Variants in INPP5K observed in about 807,000 individuals in gnomAD.
INPP5K encodes inositol polyphosphate-5-phosphatase K, also known as inositol polyphosphate 5-phosphatase K.
In INPP5K, 35 loss-of-function variants were observed where a neutral mutation model predicts 53.5. The ratio of observed to expected loss-of-function variants is 0.65; its 90% CI spans 0.50 to 0.87. INPP5K has a LOEUF of 0.87. INPP5K is among the 40% of genes least tolerant of loss of function. INPP5K has a pLI of 0.00. For synonymous variants in INPP5K, 253 were observed against 232.8 expected (o/e 1.09, Z -0.79); for missense variants, 550 against 586.2 (o/e 0.94, Z 0.64).
intron 3 of INPP5K, among the ~76,000 whole-genome samples, chr17:1,511,551 C>T (rs1476966150): frequency 6.6e-6 from 1 of 152,146 alleles, no homozygotes; most frequent in Non-Finnish European, 1.5e-5. Flanking sequence ...GGAGTCGAAG[C>T]AGGGGGAACC....
At chr17:1,499,747 G>A (rs897315481) in intron 7 of INPP5K, among the ~76,000 whole-genome samples, 8 of 152,146 alleles carry the variant, frequency 5.3e-5, no homozygotes, top group Admixed American at 4.6e-4. Flanking sequence ...GAGGTGGGGT[G>A]TGTGTGTGGC....
At position 1,516,486 on chromosome 17, in the gene INPP5K, T is replaced by A. The variant is rs1286425507; in HGVS notation, c.14A>T (p.Lys5Met). Residue 5 changes from lysine to methionine, a missense_variant, in exon 1 of 12, where the codon AAG (lysine) becomes ATG (methionine). By Grantham distance (95) the Lys-to-Met change is moderately conservative. Transcript: ENST00000421807. The stretch of plus-strand genomic sequence containing the variant: ...CCTCCTGCCTTTCGGCCCGCTCAGC[T>A]TCCGCGAGCTCATGGCCGCCGTCGT... MSSRKLSGPKGRRLS... is the reference protein window; with the variant it reads MSSRMLSGPKGRRLS... 5 of 1,587,154 alleles carry A rather than the reference T, an allele frequency of 3.2e-6. No homozygotes were observed. Among genetic ancestry groups the A allele is most frequent in the Non-Finnish European group, 3.4e-6 (4 of 1,175,366 alleles).
At chr17:1,515,929 A>G in intron 1 of INPP5K, 3 of 987,352 alleles carry the variant, frequency 3.0e-6, no homozygotes, top group Non-Finnish European at 3.6e-6. Flanking sequence ...TCTTGTTCCC[A>G]CTCTCAAATC....
intron 8 of INPP5K, among the ~76,000 whole-genome samples, chr17:1,497,243 T>G (rs532253319): frequency 6.6e-5 from 10 of 152,294 alleles, no homozygotes; most frequent in Non-Finnish European, 8.8e-5. Context: ...CCCAACAGTT[T>G]GGGAGGATCA....
intron 1 of INPP5K, among the ~76,000 whole-genome samples, chr17:1,514,678 T>A (rs776698612): frequency 6.6e-6 from 1 of 152,142 alleles, no homozygotes; most frequent in African/African-American, 2.4e-5. Flanking sequence ...CCCTCTGTCA[T>A]CATCTATGGC....
At chr17:1,512,233 C>CT (rs2075326084) in intron 3 of INPP5K, among the ~76,000 whole-genome samples, 1 of 152,148 alleles carries the variant, frequency 6.6e-6, no homozygotes, top group Admixed American at 6.5e-5. Context: ...CAATTCCATC[C>CT]TACCAATCCT....
intron 7 of INPP5K, among the ~76,000 whole-genome samples, chr17:1,504,819 C>T (rs187449322): frequency 2.6e-5 from 4 of 152,326 alleles, no homozygotes; most frequent in Non-Finnish European, 4.4e-5. Flanking sequence ...CCTTCCTCAC[C>T]GTGCCATCCT....
chr17:1,516,507 G>A lies in INPP5K; in HGVS notation c.-8C>T. The A allele has an allele frequency of 1.9e-6, 3 of 1,576,334 alleles. No individual in the cohort carries two copies. Among genetic ancestry groups the A allele is most frequent in the Non-Finnish European group, 1.7e-6 (2 of 1,170,852 alleles). On this transcript the variant is annotated 5_prime_UTR_variant, in exon 1 of 12. It adds an upstream start codon to the 5' untranslated region. Coordinates refer to ENST00000421807, the MANE Select transcript of INPP5K (RefSeq NM_016532.4). ...CAGCTTCCGCGAGCTCATGGCCGCCGTCGTCCCCGCGCGGTGGTCCGGCAG... is the reference window on the plus strand; with the variant it reads ...CAGCTTCCGCGAGCTCATGGCCGCCATCGTCCCCGCGCGGTGGTCCGGCAG...
At chr17:1,506,101 G>A (rs527896224) in intron 7 of INPP5K, among the ~76,000 whole-genome samples, 1 of 152,074 alleles carries the variant, frequency 6.6e-6, no homozygotes, top group Non-Finnish European at 1.5e-5. Flanking sequence ...TCGGCTCACG[G>A]CAACCTCTGC....
Position 1,506,863 on chromosome 17 carries a change from G to C in INPP5K, c.776+117C>G, listed in dbSNP as rs976186729. ...GACAGGAGGTGCCACTCTGGAGAGG[G>C]GATGACTAGACCAATTCCTGCCCCC... is the stretch of plus-strand genomic sequence containing the variant. On this transcript the variant is annotated intron_variant, in intron 7 of 11. Coordinates refer to ENST00000421807, the MANE Select transcript of INPP5K (RefSeq NM_016532.4). 6 of 695,212 alleles carry C rather than the reference G, an allele frequency of 8.6e-6. No homozygotes were observed. In the Admixed American group the frequency reaches 1.5e-4, roughly 17 times the overall value. The allele number at this position is 695,212 out of a possible 1,614,324, so 43.1% of individuals were successfully genotyped here.
At chr17:1,507,134 A>G in intron 6 of INPP5K, 45 bp from the exon 7 acceptor site, 1 of 1,453,900 alleles carries the variant, frequency 6.9e-7, no homozygotes, top group Non-Finnish European at 9.6e-7. Flanking sequence ...GTCTCGACCC[A>G]GTGGCCCAGT....
intron 7 of INPP5K, among the ~76,000 whole-genome samples, chr17:1,498,506 T>A (rs2074921315): frequency 6.6e-6 from 1 of 152,220 alleles, no homozygotes; most frequent in Non-Finnish European, 1.5e-5. Flanking sequence ...CTGCCCTGCA[T>A]ACTAGAAGTA....
chr17:1,508,580 A>G (rs890514126), intron 5 of INPP5K: 3 of 313,128 alleles, frequency 9.6e-6, no homozygotes, highest in African/African-American at 6.6e-5. Flanking sequence ...TAAGCAAGAC[A>G]GACGGGCTGG....
In INPP5K at chr17:1,496,651, T is replaced by TTGCCACC. The variant is rs1316649931; in HGVS notation, c.1101+8_1101+14dup. ...GGCTGTCGCTGATGGACTTCCTGCC[T>TTGCCACC]TGCCACCACATCACCTTGTACAGTC... On this transcript the variant is annotated intron_variant, in intron 9 of 11. Transcript: ENST00000421807. 1.2e-6 allele frequency: 2 copies of TTGCCACC among 1,613,602 alleles called. No homozygotes were observed. The highest frequency in any genetic ancestry group is 1.7e-6 in the Non-Finnish European group (2 of 1,179,578).
rs148097008 is a variant in INPP5K, at chr17:1,496,746, C to T, written c.1021G>A (p.Val341Met). Residue 341 changes from valine to methionine, a missense_variant, in exon 9 of 12, where the codon GTG becomes ATG. Transcript: ENST00000421807. ...TAGCTGACCATCATGTCATTTTCCA[C>T]GGTCCACAGGTCCTCGGGCATCAGG... The part of the protein sequence containing the change: ...IVLMPEDLWT[V>M]ENDMMVSYSS... The T allele has an allele frequency of 1.5e-4, 247 of 1,614,176 alleles. No homozygotes were observed. The African/African-American group carries it at 2.2e-3, about 14-fold the overall frequency.
At chr17:1,496,446 G>A (rs2074843358) in intron 9 of INPP5K, 44 bp from the exon 10 acceptor site, 2 of 1,484,536 alleles carry the variant, frequency 1.3e-6, no homozygotes, top group Non-Finnish European at 9.2e-7. Context: ...GAGGACATGG[G>A]ACCTAAGGCA....
At chr17:1,502,280 CAG>C (rs1290069343) in intron 7 of INPP5K, among the ~76,000 whole-genome samples, 1 of 152,204 alleles carries the variant, frequency 6.6e-6, no homozygotes, top group Non-Finnish European at 1.5e-5. Context: ...ACCCGGGAGA[CAG>C]AGCTTGTAGT....
rs1164387971 is a variant in INPP5K at position 1,497,931 on chromosome 17, T to C, written c.963+5A>G. ...TGGCAAGTATCAGGCAGCCCAGAAG[T>C]TCACCTCCAAGTCGAACGTGCCGGA... On this transcript the variant is annotated splice_donor_5th_base_variant and intron_variant, in intron 8 of 11. Transcript: ENST00000421807. 2 of 1,610,296 alleles carry C rather than the reference T, an allele frequency of 1.2e-6. No individual in the cohort carries two copies. The highest frequency in any genetic ancestry group is 1.1e-5 in the South Asian group (1 of 90,808).
At position 1,496,378 on chromosome 17, in the gene INPP5K, A is replaced by C; in HGVS notation, c.1126T>G (p.Tyr376Asp). The change falls in exon 10 of 12, where the codon TAC (tyrosine) becomes GAC (aspartate). Residue 376 changes from tyrosine to aspartate, a missense_variant. Transcript: ENST00000421807. ...YKVGLRDVND[Y>D]VSYAWVGDSK... is the part of the protein sequence containing the mutation. ...TCCCCGACCCAGGCATAGGACACGT[A>C]GTCATTAACGTCCCGCAGCCCCACC... 5 of 1,564,428 alleles carry C rather than the reference A, an allele frequency of 3.2e-6. No individual in the cohort carries two copies. Among genetic ancestry groups the C allele is most frequent in the Non-Finnish European group, 4.3e-6 (5 of 1,154,038 alleles).
Sources: allele counts gnomAD v4.1 joint callset (sites outside exome capture counted in the v4.1 genomes callset), GRCh38; gene constraint gnomAD v4.1.1; transcripts MANE v1.5; gene names NCBI Gene and HGNC (gene_info 2026-07-23, HGNC 2026-07-21).